Variants in SLC22A2 observed in about 807,000 individuals in gnomAD.
The protein encoded by SLC22A2 is organic cation transporter 2.
Under a neutral mutation model 60.5 loss-of-function variants are expected in SLC22A2, and 46 were observed. The observed-to-expected ratio is 0.76, with a 90% CI of 0.60 to 0.97. The LOEUF is 0.97. Ranked by LOEUF, SLC22A2 falls within the 50% of genes least tolerant of loss-of-function variation. The pLI is 0.00. For synonymous variants in SLC22A2, 303 were observed against 267.0 expected, an observed-to-expected ratio of 1.13 and a Z score of -1.31; for missense variants, 701 against 706.6, an observed-to-expected ratio of 0.99 and a Z score of 0.09.
At chr6:160,248,345 C>G (rs1459598619) in intron 4 of SLC22A2, among the ~76,000 whole-genome samples, 2 of 152,246 alleles carry the variant, frequency 1.3e-5, no homozygotes, top group Non-Finnish European at 2.9e-5. Context: ...GGATCTTAGA[C>G]TTCCCAGCCT....
Position 160,258,604 on chromosome 6 carries a change from G to C in SLC22A2, c.154C>G (p.Arg52Gly). 2 of 1,613,968 alleles carry C rather than the reference G, an allele frequency of 1.2e-6. No individual in the cohort carries two copies. Among genetic ancestry groups the C allele is most frequent in the Non-Finnish European group, 1.7e-6 (2 of 1,179,930 alleles). ...FLGFTPDHRC[R>G]SPGVAELSLR... The stretch of plus-strand genomic sequence containing the variant: ...CTCAGCTCGGCCACTCCGGGGCTCC[G>C]GCAGCGGTGGTCAGGGGTGAAGCCC... The change falls in exon 1 of 11, where the codon CGG becomes GGG. Residue 52 changes from arginine to glycine, a missense_variant. Transcript: ENST00000366953.
In SLC22A2 at chr6:160,243,615, C is replaced by T. The variant is rs1239901498; in HGVS notation, c.1236G>A (p.Met412Ile). ...AGGCCAGACAGGCTGCCCCTGCAAC[C>T]ATATTTGATGCAGCCCAAGGGTAAC... ...GRRYPWAASN[M>I]VAGAACLASV... Residue 412 changes from methionine to isoleucine, a missense_variant, in exon 7 of 11, where the codon ATG (methionine) becomes ATA (isoleucine). Coordinates refer to ENST00000366953, the MANE Select transcript of SLC22A2 (RefSeq NM_003058.4). The T allele has an allele frequency of 1.2e-6, 2 of 1,614,006 alleles. No homozygotes were observed. The highest frequency in any genetic ancestry group is 2.2e-5 in the East Asian group (1 of 44,870).
intron 10 of SLC22A2, chr6:160,218,090 C>T: frequency 5.3e-6 from 1 of 190,030 alleles, no homozygotes; most frequent in South Asian, 9.4e-5. Flanking sequence ...CAGCTGTGGG[C>T]TGCTCCCAGC....
chr6:160,250,107 A>G (rs1783158708), intron 3 of SLC22A2, among the ~76,000 whole-genome samples: 1 of 152,262 alleles, frequency 6.6e-6, no homozygotes, highest in Non-Finnish European at 1.5e-5. Flanking sequence ...GGTTGACTAC[A>G]GTACTTGTGT....
In SLC22A2 at chr6:160,249,248, A is replaced by T. The variant is rs1218413470; in HGVS notation, c.810T>A (p.Ser270=). ...PHWRWLQFTV[S]LPNFFFLLYY... is the part of the protein sequence containing the mutation. ...AGAGCAAGAAGAAGAAGTTGGGCAG[A>T]GAAACTGTGAACTGCAACCACCTCC... Residue 270 remains serine, a synonymous_variant, in exon 4 of 11, where the codon TCT becomes TCA. Transcript: ENST00000366953. 6.2e-7 allele frequency: 1 copy of T among 1,608,394 alleles called. No individual in the cohort carries two copies. The highest frequency in any genetic ancestry group is 8.5e-7 in the Non-Finnish European group (1 of 1,177,758).
chr6:160,219,908 C>T (rs1242768051), intron 10 of SLC22A2, among the ~76,000 whole-genome samples: 1 of 152,152 alleles, frequency 6.6e-6, no homozygotes, highest in East Asian at 1.9e-4. Context: ...TCTGAACCTT[C>T]AATTTGTGGT....
Position 160,218,414 on chromosome 6 carries a change from A to G in SLC22A2, c.1602-916T>C, listed in dbSNP as rs576693055. Reference sequence around the variant, plus strand: ...AGCAGCAATAGTAGCAACAGCAGCAACAACAGTAATTACAGCAGCAACTGC... The same window carrying G: ...AGCAGCAATAGTAGCAACAGCAGCAGCAACAGTAATTACAGCAGCAACTGC... On this transcript the variant is annotated intron_variant, in intron 10 of 10. Coordinates refer to ENST00000366953, the MANE Select transcript of SLC22A2 (RefSeq NM_003058.4). 5.0e-4 allele frequency: 131 copies of G among 263,660 alleles called. 3 individuals are homozygous for G. Among genetic ancestry groups the G allele is most frequent in the South Asian group, 4.0e-3 (127 of 31,796 alleles). The allele number at this position is 263,660 out of a possible 1,614,324, so 16.3% of individuals were successfully genotyped here.
In SLC22A2 at chr6:160,242,388, T is replaced by C. The variant is rs8177517; in HGVS notation, c.1294A>G (p.Lys432Glu). The C allele has an allele frequency of 1.3e-6, 2 of 1,591,346 alleles. No homozygotes were observed. Among genetic ancestry groups the C allele is most frequent in the South Asian group, 2.2e-5 (2 of 90,648 alleles). The change falls in exon 8 of 11, where the codon AAA (lysine) becomes GAA (glutamate). Residue 432 changes from lysine (K) to glutamate (E), a missense_variant. Transcript: ENST00000366953. ...CTTCCCAAGCATGAGATAATAATTT[T>C]TAGCCATTGTAGATCTAAGAGGGAA... ...VFIPGDLQWL[K>E]IIISCLGRMG...
At chr6:160,255,983 A>C (rs1043839059) in intron 2 of SLC22A2, among the ~76,000 whole-genome samples, 1 of 152,194 alleles carries the variant, frequency 6.6e-6, no homozygotes, top group Non-Finnish European at 1.5e-5. Flanking sequence ...TAGCTTGCTG[A>C]AGACAAGACT....
chr6:160,229,067 C>G (rs114241570), intron 9 of SLC22A2, among the ~76,000 whole-genome samples: 1 of 151,882 alleles, frequency 6.6e-6, no homozygotes, highest in Non-Finnish European at 1.5e-5. Context: ...TTCCGTGACT[C>G]GGATCAGGGG....
chr6:160,217,665 GA>G (rs1782562687), intron 10 of SLC22A2, among the ~76,000 whole-genome samples, 167 bp from the exon 11 acceptor site: 1 of 152,164 alleles, frequency 6.6e-6, no homozygotes, highest in South Asian at 2.1e-4. Context: ...AAAATGGACA[GA>G]ACTTGTTGAT....
intron 9 of SLC22A2, among the ~76,000 whole-genome samples, chr6:160,238,626 T>C (rs1421644656): frequency 6.6e-6 from 1 of 152,164 alleles, no homozygotes; most frequent in East Asian, 1.9e-4. Context: ...AGCACACCAT[T>C]ATTGTGTGGA....
At chr6:160,241,277 T>C (rs1782996110) in intron 9 of SLC22A2, among the ~76,000 whole-genome samples, 197 bp downstream of exon 9, 1 of 152,076 alleles carries the variant, frequency 6.6e-6, no homozygotes, top group African/African-American at 2.4e-5. Flanking sequence ...TATTGATTAG[T>C]ATTACTAATA....
chr6:160,237,086 A>G lies in SLC22A2; in HGVS notation c.1501+4388T>C, dbSNP rs117830831. On this transcript the variant is annotated intron_variant, in intron 9 of 10. Coordinates refer to ENST00000366953, the MANE Select transcript of SLC22A2 (RefSeq NM_003058.4). ...CAAGAACAATGGTATACCTGTTATTATATTCTAGTCTCATCAGTTGTTTTA... is the reference window on the plus strand; with the variant it reads ...CAAGAACAATGGTATACCTGTTATTGTATTCTAGTCTCATCAGTTGTTTTA... 6.7e-4 allele frequency among the ~76,000 whole-genome samples: 102 copies of G among 152,336 alleles called. 1 individual carries two copies. The East Asian group carries it at 0.019, about 28-fold the overall frequency.
At chr6:160,247,860 T>A (rs186073110) in intron 4 of SLC22A2, among the ~76,000 whole-genome samples, 48 of 152,146 alleles carry the variant, frequency 3.2e-4, no homozygotes, top group Non-Finnish European at 1.6e-4. Flanking sequence ...GGGTTCAGGG[T>A]GAATGAGTTC....
intron 4 of SLC22A2, among the ~76,000 whole-genome samples, chr6:160,248,707 ACT>A (rs1234870639): frequency 6.6e-6 from 1 of 151,934 alleles, no homozygotes; most frequent in Admixed American, 6.6e-5. Context: ...TGCCTTGGTA[ACT>A]CTGATTGATT....
chr6:160,249,125 A>C, intron 4 of SLC22A2, 91 bp downstream of exon 4: 1 of 864,660 alleles, frequency 1.2e-6, no homozygotes, highest in African/African-American at 1.7e-5. Flanking sequence ...GCAATCTCAG[A>C]ATCAGAAAGA....
chr6:160,248,049 A>AGACAGCAGGAAGGGTAATG (rs1783124591), intron 4 of SLC22A2, among the ~76,000 whole-genome samples: 2 of 152,142 alleles, frequency 1.3e-5, no homozygotes, highest in African/African-American at 4.8e-5. Flanking sequence ...GAAGTGTAAT[A>AGACAGCAGGAAGGGTAATG]GAGACAGCAG....
chr6:160,233,495 G>A (rs1782859438), intron 9 of SLC22A2, among the ~76,000 whole-genome samples: 1 of 151,798 alleles, frequency 6.6e-6, no homozygotes, highest in South Asian at 2.1e-4. Flanking sequence ...TTTAAAAAAA[G>A]GACTCTGTCA....
Sources: allele counts gnomAD v4.1 joint callset (sites outside exome capture counted in the v4.1 genomes callset), GRCh38; gene constraint gnomAD v4.1.1; transcripts MANE v1.5; gene names NCBI Gene and HGNC (gene_info 2026-07-23, HGNC 2026-07-21).